CCDC39: variants seen among roughly 807,000 people sequenced by gnomAD.
CCDC39 encodes coiled-coil domain-containing protein 39.
In CCDC39, 113 loss-of-function variants were observed where a neutral mutation model predicts 121.0. That is an observed-to-expected ratio of 0.93 (90% CI 0.80 to 1.09). The LOEUF (loss-of-function observed/expected upper bound fraction) is 1.09, where lower values mean the gene tolerates loss of function less well. Among genes scored for constraint, CCDC39 ranks in the 50% least tolerant of loss-of-function variants. CCDC39 has a pLI of 0.00. For synonymous variants in CCDC39, 349 were observed against 352.2 expected, an observed-to-expected ratio of 0.99 and a Z score of 0.10; for missense variants, 1,063 against 1,074.7, an observed-to-expected ratio of 0.99 and a Z score of 0.15.
chr3:180,619,046 G>A (rs1376418193), intron 16 of CCDC39, among the ~76,000 whole-genome samples: 1 of 152,078 alleles, frequency 6.6e-6, no homozygotes, highest in East Asian at 1.9e-4. Flanking sequence ...GTAATCATCA[G>A]GGCTTACCAC....
chr3:180,647,092 A>G lies in CCDC39; in HGVS notation c.1514T>C (p.Ile505Thr). The G allele has an allele frequency of 1.2e-6, 2 of 1,606,830 alleles. No homozygotes were observed. The highest frequency in any genetic ancestry group is 1.7e-6 in the Non-Finnish European group (2 of 1,177,928). The change falls in exon 11 of 20, where the codon ATC becomes ACC. Residue 505 changes from isoleucine (I) to threonine (T), a missense_variant. Ile to Thr is a moderately conservative substitution (Grantham distance 89). Coordinates refer to ENST00000476379, the MANE Select transcript of CCDC39 (RefSeq NM_181426.2). The part of the protein sequence containing the change: ...KSTCGLLETQ[I>T]KKLHNDLYFI... ...TGGCTAAGTTACATGAAGCTTCTTG[A>G]TCTGTGTTTCCAAAAGGCCACATGT...
At chr3:180,632,987 G>A (rs531250886) in intron 13 of CCDC39, among the ~76,000 whole-genome samples, 32 of 152,296 alleles carry the variant, frequency 2.1e-4, no homozygotes, top group African/African-American at 7.7e-4. Context: ...GTAAAAACAT[G>A]ACAGTGGAAG....
chr3:180,655,596 C>T (rs1711561073), intron 6 of CCDC39, among the ~76,000 whole-genome samples: 1 of 150,520 alleles, frequency 6.6e-6, no homozygotes, highest in Non-Finnish European at 1.5e-5. Flanking sequence ...GCCCAAGAGG[C>T]AACATTTGAG....
chr3:180,651,404 C>G lies in CCDC39; in HGVS notation c.1164G>C (p.Val388=). ...EDMLKEEEKD[V]KEVDVQLNLI... is the part of the protein sequence containing the mutation. ...AAAAATTAAAACTAAACTTTACCTTCACATCTTTTTCCTCCTCCTTTAGCA... is the reference window on the plus strand; with the variant it reads ...AAAAATTAAAACTAAACTTTACCTTGACATCTTTTTCCTCCTCCTTTAGCA... Residue 388 remains valine, a synonymous_variant, in exon 9 of 20, where the codon GTG becomes GTC. Transcript: ENST00000476379. The G allele has an allele frequency of 6.4e-7, 1 of 1,554,422 alleles. No homozygotes were observed. Among genetic ancestry groups the G allele is most frequent in the Non-Finnish European group, 8.7e-7 (1 of 1,148,214 alleles).
intron 13 of CCDC39, among the ~76,000 whole-genome samples, chr3:180,639,335 TTGAG>T (rs1407558603): frequency 6.6e-6 from 1 of 152,046 alleles, no homozygotes; most frequent in African/African-American, 2.4e-5. Context: ...AATGACAGAG[TTGAG>T]TGAGTTGAGT....
intron 11 of CCDC39, among the ~76,000 whole-genome samples, chr3:180,645,194 C>T (rs1478845271): frequency 3.3e-5 from 5 of 152,086 alleles, no homozygotes; most frequent in African/African-American, 1.2e-4. Flanking sequence ...ATGTGTATAA[C>T]AGTGCTTGAC....
intron 7 of CCDC39, among the ~76,000 whole-genome samples, chr3:180,654,356 A>G (rs1256154228): frequency 2.6e-5 from 4 of 151,844 alleles, no homozygotes; most frequent in African/African-American, 9.7e-5. Flanking sequence ...AAAACACAGG[A>G]GAAAAGCTCC....
At chr3:180,628,213 ATATT>A (rs1441543652) in intron 14 of CCDC39, among the ~76,000 whole-genome samples, 1 of 152,040 alleles carries the variant, frequency 6.6e-6, no homozygotes, top group Non-Finnish European at 1.5e-5. Context: ...TATCAGATAT[ATATT>A]TCCTTTTTTT....
At chr3:180,616,233 T>G (rs763335498) in intron 19 of CCDC39, 48 bp downstream of exon 19, 2 of 1,504,496 alleles carry the variant, frequency 1.3e-6, no homozygotes, top group Admixed American at 1.7e-5. Context: ...AATCACTTAG[T>G]GTACAGCTGT....
intron 13 of CCDC39, among the ~76,000 whole-genome samples, chr3:180,634,186 A>G (rs2108414729): frequency 6.6e-6 from 1 of 150,530 alleles, no homozygotes; most frequent in Non-Finnish European, 1.5e-5. Flanking sequence ...ACTACCAGTA[A>G]CAGCAGCTAA....
chr3:180,616,505 T>C lies in CCDC39; in HGVS notation c.2586+11A>G, dbSNP rs1717248467. Reference sequence around the variant, plus strand: ...TTTTTAAGAAATATTTAATAGAAGGTGCTGTATTACCTGTTGAAAGTATGT... The same window carrying C: ...TTTTTAAGAAATATTTAATAGAAGGCGCTGTATTACCTGTTGAAAGTATGT... On this transcript the variant is annotated intron_variant, in intron 18 of 19. Transcript: ENST00000476379. 1.3e-6 allele frequency: 2 copies of C among 1,523,840 alleles called. No homozygotes were observed. The highest frequency in any genetic ancestry group is 1.8e-6 in the Non-Finnish European group (2 of 1,136,088). 94.4% of individuals were successfully genotyped at this position (1,523,840 alleles called of 1,614,324 possible). A position where few individuals can be genotyped will look rare whatever the true frequency, so the allele number is the denominator to read the frequency against.
chr3:180,654,975 T>G, intron 6 of CCDC39, 22 bp from the exon 7 acceptor site: 1 of 1,411,974 alleles, frequency 7.1e-7, no homozygotes, highest in Middle Eastern at 1.8e-4. Context: ...ACAAATATGT[T>G]TACTTAAATA....
At chr3:180,652,050 G>T (rs1488100941) in intron 8 of CCDC39, 113 bp downstream of exon 8, 3 of 613,312 alleles carry the variant, frequency 4.9e-6, no homozygotes, top group Non-Finnish European at 5.4e-6. Context: ...AAAAAAAAAA[G>T]TAGTAGCTAA....
rs977401121 is a variant in CCDC39, at chr3:180,614,989, T to C, written c.2758A>G (p.Ser920Gly). Reference protein sequence around the residue: ...KFPASSSLVGSPSRPSSASSS... With the variant: ...KFPASSSLVGGPSRPSSASSS... ...CTAGCACTAGATGGCCTAGAAGGGC[T>C]GCCTACTAGTGAAGAGGAGGCCGGG... The change falls in exon 20 of 20, where the codon AGC becomes GGC. Residue 920 changes from serine to glycine, a missense_variant. Coordinates refer to ENST00000476379, the MANE Select transcript of CCDC39 (RefSeq NM_181426.2). 8 of 1,564,008 alleles carry C rather than the reference T, an allele frequency of 5.1e-6. No individual in the cohort carries two copies. In the Admixed American group the frequency reaches 9.5e-5, roughly 19 times the overall value.
Position 180,660,662 on chromosome 3 carries a change from C to T in CCDC39, c.424G>A (p.Ala142Thr), listed in dbSNP as rs754066480. 1.0e-5 allele frequency: 16 copies of T among 1,603,108 alleles called. No individual in the cohort carries two copies. Among genetic ancestry groups the T allele is most frequent in the African/African-American group, 8.0e-5 (6 of 74,770 alleles). Residue 142 changes from alanine to threonine, a missense_variant, in exon 4 of 20, where the codon GCA (alanine) becomes ACA (threonine). Coordinates refer to ENST00000476379, the MANE Select transcript of CCDC39 (RefSeq NM_181426.2). ...GATTCTTCTAACCAGGCCTCCAATG[C>T]TTGCTGGTCCCAGTTCATTTGACAT... is the stretch of plus-strand genomic sequence containing the variant. Reference protein sequence around the residue: ...LKCQMNWDQQALEAWLEESAH... With the variant: ...LKCQMNWDQQTLEAWLEESAH...
chr3:180,671,982 T>G (rs1490407083), intron 1 of CCDC39, among the ~76,000 whole-genome samples: 4 of 152,156 alleles, frequency 2.6e-5, no homozygotes, highest in African/African-American at 9.7e-5. Context: ...ATTTTCAACA[T>G]AGATGAAACA....
At chr3:180,648,073 T>C (rs764830571) in intron 10 of CCDC39, 92 bp downstream of exon 10, 62 of 1,044,790 alleles carry the variant, frequency 5.9e-5, no homozygotes, top group Non-Finnish European at 8.4e-5. Flanking sequence ...CAAAAGGGCT[T>C]ATAATTCTTT....
intron 14 of CCDC39, among the ~76,000 whole-genome samples, chr3:180,622,166 T>C (rs181632227): frequency 3.2e-4 from 49 of 152,278 alleles, no homozygotes; most frequent in Admixed American, 1.0e-3. Flanking sequence ...AGGTACTGTT[T>C]TTGTATCTGT....
chr3:180,642,427 C>T (rs1157820094), intron 12 of CCDC39, among the ~76,000 whole-genome samples: 1 of 151,346 alleles, frequency 6.6e-6, no homozygotes. Flanking sequence ...TAAAGTCAAG[C>T]TTTGCTATTA....
Sources: allele counts gnomAD v4.1 joint callset (sites outside exome capture counted in the v4.1 genomes callset), GRCh38; gene constraint gnomAD v4.1.1; transcripts MANE v1.5; gene names NCBI Gene and HGNC (gene_info 2026-07-23, HGNC 2026-07-21).